The following PCDHA1 variants were observed in gnomAD, a reference collection of about 807,000 sequenced individuals.
The protein encoded by PCDHA1 is protocadherin alpha-1.
In PCDHA1, 42 loss-of-function variants were observed where a neutral mutation model predicts 61.3. The observed-to-expected ratio is 0.69, with a 90% confidence interval of 0.54 to 0.89. The LOEUF (loss-of-function observed/expected upper bound fraction) is 0.89, where lower values mean the gene tolerates loss of function less well. Ranked by LOEUF, PCDHA1 falls within the 40% of genes least tolerant of loss-of-function variation. The pLI is 0.00. For synonymous variants in PCDHA1, 610 were observed against 553.8 expected, an observed-to-expected ratio of 1.10 and a Z score of -1.43; for missense variants, 1,256 against 1,235.3, an observed-to-expected ratio of 1.02 and a Z score of -0.25.
At chr5:140,836,291 C>G (rs1774343401) in intron 1 of PCDHA1, 2 of 1,613,720 alleles carry the variant, frequency 1.2e-6, no homozygotes. Context: ...CGACACGAGC[C>G]CTAGATGAGA....
intron 1 of PCDHA1, chr5:140,860,894 C>A (rs1220238688): frequency 1.3e-5 from 2 of 152,314 alleles, no homozygotes; most frequent in African/African-American, 2.4e-5. Context: ...CCCGCCAACA[C>A]GCCAGGCTAA....
At position 140,978,807 on chromosome 5, in the gene PCDHA1, A is replaced by G. The variant is rs1489269679; in HGVS notation, c.2395-142A>G. 3.3e-6 allele frequency: 5 copies of G among 1,494,726 alleles called. No individual in the cohort carries two copies. In the African/African-American group the frequency reaches 4.2e-5, roughly 12 times the overall value. The allele number at this position is 1,494,726 out of a possible 1,614,324, so 92.6% of individuals were successfully genotyped here. A position where few individuals can be genotyped will look rare whatever the true frequency, so the allele number is the denominator to read the frequency against. ...AAGTGCTATATATGTAGATATCATC[A>G]TAGAGTTACACATGAAATGGCTCAT... On this transcript the variant is annotated intron_variant, in intron 1 of 3. Coordinates refer to ENST00000504120, the MANE Select transcript of PCDHA1 (RefSeq NM_018900.4).
chr5:140,883,575 G>A (rs782472492), intron 1 of PCDHA1: 2 of 1,614,072 alleles, frequency 1.2e-6, no homozygotes, highest in Non-Finnish European at 1.7e-6. Flanking sequence ...CCTTCGCTGT[G>A]GGCCACGGCC....
intron 1 of PCDHA1, chr5:140,859,021 T>C (rs537770888): frequency 6.6e-6 from 1 of 151,436 alleles, no homozygotes; most frequent in Admixed American, 6.6e-5. Context: ...GCAATTAAGT[T>C]AAATGCTTTG....
At position 140,852,693 on chromosome 5, in the gene PCDHA1, C is replaced by T. The variant is rs138488585; in HGVS notation, c.2394+64009C>T. 6.9e-4 allele frequency: 673 copies of T among 973,480 alleles called. 53 individuals carry two copies. Among genetic ancestry groups the T allele is most frequent in the African/African-American group, 2.3e-3 (127 of 56,176 alleles). The allele number at this position is 973,480 out of a possible 1,614,324, so 60.3% of individuals were successfully genotyped here. A position where few individuals can be genotyped will look rare whatever the true frequency, so the allele number is the denominator to read the frequency against. Reference sequence around the variant, plus strand: ...AACTCACCTTGAATATAGTCTTATACTTTCAAGTATCTTTGTCTTTGCACG... The same window carrying T: ...AACTCACCTTGAATATAGTCTTATATTTTCAAGTATCTTTGTCTTTGCACG... On this transcript the variant is annotated intron_variant, in intron 1 of 3. Transcript: ENST00000504120.
At chr5:140,834,251 G>T in intron 1 of PCDHA1, 1 of 915,122 alleles carries the variant, frequency 1.1e-6, no homozygotes, top group Non-Finnish European at 1.7e-6. Context: ...GCACTGGAAA[G>T]ACGCTCCACT....
intron 1 of PCDHA1, chr5:140,795,787 A>T (rs1464400979): frequency 6.2e-7 from 1 of 1,613,896 alleles, no homozygotes; most frequent in Non-Finnish European, 8.5e-7. Flanking sequence ...AGGACCGAAC[A>T]GCGAGATTGT....
chr5:140,881,909 G>T (rs941994896), intron 1 of PCDHA1: 6 of 230,500 alleles, frequency 2.6e-5, no homozygotes, highest in Non-Finnish European at 5.1e-5. Context: ...AATATAAAAT[G>T]TTGAGCAGAA....
intron 3 of PCDHA1, among the ~76,000 whole-genome samples, chr5:141,008,680 T>C (rs2098386787): frequency 6.6e-6 from 1 of 152,220 alleles, no homozygotes; most frequent in Non-Finnish European, 1.5e-5. Flanking sequence ...ATACTTTAGT[T>C]ATTGCATGTA....
At chr5:140,893,898 C>T (rs2064223960) in intron 1 of PCDHA1, among the ~76,000 whole-genome samples, 9 of 152,114 alleles carry the variant, frequency 5.9e-5, no homozygotes, top group Admixed American at 5.2e-4. Flanking sequence ...GTTACTTTAC[C>T]TTCTGAATTT....
intron 1 of PCDHA1, among the ~76,000 whole-genome samples, chr5:140,894,883 A>ACC (rs1407725642): frequency 6.6e-6 from 1 of 152,200 alleles, no homozygotes; most frequent in African/African-American, 2.4e-5. Flanking sequence ...TTTAGAAGAA[A>ACC]CAGACCAGGA....
At chr5:140,849,675 C>A (rs2150444772) in intron 1 of PCDHA1, 1 of 1,598,600 alleles carries the variant, frequency 6.3e-7, no homozygotes. Context: ...GCCCCACGTC[C>A]CCTTCAAGCT....
At chr5:140,994,864 G>A (rs2097653681) in intron 3 of PCDHA1, among the ~76,000 whole-genome samples, 1 of 152,114 alleles carries the variant, frequency 6.6e-6, no homozygotes, top group Non-Finnish European at 1.5e-5. Context: ...TGATGGATGT[G>A]GTAGAATAAA....
chr5:140,882,198 G>A lies in PCDHA1; in HGVS notation c.2394+93514G>A, dbSNP rs964999330. ...CCGCACTAGGAAGCCATAAAAATTG[G>A]GCCTTGAGAGACAGTTTGAGGTAAG... On this transcript the variant is annotated intron_variant, in intron 1 of 3. Coordinates refer to ENST00000504120, the MANE Select transcript of PCDHA1 (RefSeq NM_018900.4). The A allele has an allele frequency of 8.5e-6, 13 of 1,525,466 alleles. 1 individual carries two copies. In the East Asian group the frequency reaches 2.5e-4, roughly 29 times the overall value. The allele number at this position is 1,525,466 out of a possible 1,614,324, so 94.5% of individuals were successfully genotyped here.
intron 1 of PCDHA1, chr5:140,821,636 AAAG>A (rs1425064126): frequency 3.9e-6 from 4 of 1,021,456 alleles, no homozygotes; most frequent in Non-Finnish European, 4.2e-6. Context: ...ACAGAAAGGA[AAAG>A]AACCTTCCAT....
intron 1 of PCDHA1, among the ~76,000 whole-genome samples, chr5:140,892,759 T>C (rs1422670120): frequency 2.0e-5 from 3 of 152,206 alleles, no homozygotes; most frequent in African/African-American, 4.8e-5. Context: ...ACATTTAAAA[T>C]CCACTCTTCT....
At chr5:140,875,951 C>A (rs1292449525) in intron 1 of PCDHA1, 2 of 1,614,116 alleles carry the variant, frequency 1.2e-6, no homozygotes, top group East Asian at 2.2e-5. Flanking sequence ...GCTTCTGATG[C>A]GGATATCGGC....
At chr5:140,842,787 T>G (rs1554139371) in intron 1 of PCDHA1, 1 of 1,594,358 alleles carries the variant, frequency 6.3e-7, no homozygotes, top group African/African-American at 1.3e-5. Flanking sequence ...GAGAACGCGC[T>G]GGTGTCCTAC....
chr5:140,985,430 A>T lies in PCDHA1; in HGVS notation c.2542+2867A>T, dbSNP rs1158797076. ...GGAAATGGAGTGAGGAGGATTTATT[A>T]GTTGCTGCCTGAAGAAAAGGGAAAT... On this transcript the variant is annotated intron_variant, in intron 3 of 3. Transcript: ENST00000504120. Among the ~76,000 whole-genome samples the T allele has an allele frequency of 2.6e-5, 4 of 152,186 alleles. 1 individual carries two copies. Among genetic ancestry groups the T allele is most frequent in the Non-Finnish European group, 5.9e-5 (4 of 68,036 alleles).
Sources: allele counts gnomAD v4.1 joint callset (sites outside exome capture counted in the v4.1 genomes callset), GRCh38; gene constraint gnomAD v4.1.1; transcripts MANE v1.5; gene names NCBI Gene and HGNC (gene_info 2026-07-23, HGNC 2026-07-21).